FAM184A: variants seen among roughly 807,000 people sequenced by gnomAD.
The protein encoded by FAM184A is family with sequence similarity 184 member A.
FAM184A carries 99 observed loss-of-function variants against 143.8 expected under a neutral mutation model. That is an observed-to-expected ratio of 0.69 (90% confidence interval 0.58 to 0.81). The LOEUF (loss-of-function observed/expected upper bound fraction) is 0.81, where lower values mean the gene tolerates loss of function less well. Among genes scored for constraint, FAM184A ranks in the 40% least tolerant of loss-of-function variants. The probability of loss-of-function intolerance (pLI) is 0.00; values close to 1 mark genes in which losing one functional copy is unlikely to be tolerated. For synonymous variants in FAM184A, 427 were observed against 446.4 expected (o/e 0.96, Z 0.55); for missense variants, 1,217 against 1,310.5 (o/e 0.93, Z 1.10).
In FAM184A at chr6:119,002,968, C is replaced by G. The variant is rs374187029; in HGVS notation, c.2019G>C (p.Gln673His). The change falls in exon 9 of 18, where the codon CAG (glutamine) becomes CAC (histidine). Residue 673 changes from glutamine to histidine, a missense_variant. Transcript: ENST00000338891. ...DKKSAMSQLL[Q>H]LKDREKNAAR... ...CTGCATTTTTCTCTCGATCTTTCAA[C>G]TGCAAAAGTTGAGACATTGCTGACT... is the stretch of plus-strand genomic sequence containing the variant. The G allele has an allele frequency of 2.7e-5, 44 of 1,612,998 alleles. No individual in the cohort carries two copies. Among genetic ancestry groups the G allele is most frequent in the Non-Finnish European group, 3.6e-5 (42 of 1,179,608 alleles).
chr6:119,041,540 C>T (rs1786333309), intron 1 of FAM184A, among the ~76,000 whole-genome samples: 2 of 152,172 alleles, frequency 1.3e-5, no homozygotes, highest in East Asian at 1.9e-4. Context: ...AGCTGGCAAC[C>T]GCTACCCTCT....
intron 1 of FAM184A, among the ~76,000 whole-genome samples, chr6:119,044,535 A>G (rs1272696519): frequency 6.6e-6 from 1 of 151,912 alleles, no homozygotes; most frequent in African/African-American, 2.4e-5. Flanking sequence ...GTAAGCTATG[A>G]TCTTGTCACT....
chr6:118,996,592 C>T (rs1194254056), intron 9 of FAM184A, among the ~76,000 whole-genome samples: 1 of 152,154 alleles, frequency 6.6e-6, no homozygotes, highest in Non-Finnish European at 1.5e-5. Context: ...TCTGAATGTA[C>T]ATTCAACATA....
intron 7 of FAM184A, among the ~76,000 whole-genome samples, chr6:119,004,736 G>A (rs958875679): frequency 6.6e-6 from 1 of 152,162 alleles, no homozygotes; most frequent in African/African-American, 2.4e-5. Context: ...AAATTCTCCA[G>A]CAGAACAGAA....
intron 1 of FAM184A, among the ~76,000 whole-genome samples, chr6:119,104,731 A>T (rs938359790): frequency 1.1e-4 from 16 of 152,180 alleles, no homozygotes; most frequent in African/African-American, 3.9e-4. Flanking sequence ...TTAAGTGTGG[A>T]CTGCAAATAG....
intron 1 of FAM184A, among the ~76,000 whole-genome samples, chr6:119,090,179 C>T (rs1055224542): frequency 5.9e-5 from 9 of 152,170 alleles, no homozygotes; most frequent in Non-Finnish European, 1.3e-4. Context: ...TAAGGAAAAG[C>T]CATTGAAGGA....
intron 1 of FAM184A, among the ~76,000 whole-genome samples, chr6:119,094,562 T>C (rs1788456191): frequency 6.6e-6 from 1 of 152,196 alleles, no homozygotes; most frequent in African/African-American, 2.4e-5. Context: ...TTTGTTTTCA[T>C]CTGACTGGTG....
intron 1 of FAM184A, among the ~76,000 whole-genome samples, chr6:119,096,693 G>T (rs1363584604): frequency 6.6e-6 from 1 of 151,728 alleles, no homozygotes; most frequent in Non-Finnish European, 1.5e-5. Context: ...TTAATGCTAA[G>T]GACTGTTATT....
rs1021901194 is a variant in FAM184A at position 118,988,064 on chromosome 6, G to C, written c.2089-7714C>G. Reference sequence around the variant, plus strand: ...ACATGCCCTTGTGTACAAATTGTAAGTGCCGCTCACTTACATTGCTGATAG... The same window carrying C: ...ACATGCCCTTGTGTACAAATTGTAACTGCCGCTCACTTACATTGCTGATAG... On this transcript the variant is annotated intron_variant, in intron 9 of 17. Coordinates refer to ENST00000338891, the MANE Select transcript of FAM184A (RefSeq NM_024581.6). Among the ~76,000 whole-genome samples the C allele has an allele frequency of 4.6e-5, 7 of 152,168 alleles. No individual in the cohort carries two copies. In the South Asian group the frequency reaches 6.2e-4, roughly 13 times the overall value.
At chr6:119,064,394 GA>G (rs1233778877) in intron 1 of FAM184A, among the ~76,000 whole-genome samples, 5 of 152,294 alleles carry the variant, frequency 3.3e-5, no homozygotes, top group African/African-American at 9.6e-5. Context: ...AGGACTTTCA[GA>G]AAACTGCAAA....
intron 1 of FAM184A, among the ~76,000 whole-genome samples, chr6:119,061,539 T>C (rs1334169797): frequency 7.7e-6 from 1 of 129,620 alleles, no homozygotes; most frequent in Non-Finnish European, 1.6e-5. Context: ...TTCTTTTTTT[T>C]TTTTTTTTTT....
upstream of FAM184A, chr6:119,078,737 C>A (rs1375829682): frequency 6.5e-6 from 1 of 153,538 alleles, no homozygotes; most frequent in African/African-American, 2.4e-5. This position sits in a 1 kb window ranked among gnomAD's most constrained non-coding sequence, Gnocchi z 5.5. Flanking sequence ...CGGGAGCCGC[C>A]GTTACCAGGG....
rs77516478 is a variant in FAM184A at position 119,023,563 on chromosome 6, C to G, written c.1014+396G>C. Among the ~76,000 whole-genome samples, 45 of 109,754 alleles carry G rather than the reference C, an allele frequency of 4.1e-4. 1 individual carries two copies. Among genetic ancestry groups the G allele is most frequent in the South Asian group, 3.7e-3 (9 of 2,420 alleles). 72.0% of individuals were successfully genotyped at this position (109,754 alleles called of 152,430 possible). ...AATTAGCAATATTGTCCGCCCCCCC[C>G]CCCAGGAACAGCGTATTACCTCGCT... is the stretch of plus-strand genomic sequence containing the variant. On this transcript the variant is annotated intron_variant, in intron 2 of 17. Transcript: ENST00000338891.
At chr6:119,039,838 G>C (rs80349495) in intron 1 of FAM184A, among the ~76,000 whole-genome samples, 3,360 of 152,306 alleles carry the variant, frequency 0.022, 56 homozygotes, top group Non-Finnish European at 0.034. Flanking sequence ...GCAGGCCCCA[G>C]GGAGATGCAA....
chr6:119,108,538 A>G (rs150836558), intron 1 of FAM184A, among the ~76,000 whole-genome samples: 1 of 152,240 alleles, frequency 6.6e-6, no homozygotes, highest in Non-Finnish European at 1.5e-5. Flanking sequence ...TCACTCTTAA[A>G]AACTTTTTCT....
At chr6:119,135,197 A>G (rs1003777052) in intron 1 of FAM184A, among the ~76,000 whole-genome samples, 1 of 152,256 alleles carries the variant, frequency 6.6e-6, no homozygotes, top group African/African-American at 2.4e-5. Context: ...CCTAGAAAAC[A>G]ATATTAAACA....
At chr6:119,023,917 AG>A (rs2114690256) in intron 2 of FAM184A, 41 bp downstream of exon 2, 2 of 1,500,172 alleles carry the variant, frequency 1.3e-6, no homozygotes, top group East Asian at 2.3e-5. Flanking sequence ...TATTTTTAAA[AG>A]AAAAAAAATC....
At chr6:119,083,650 G>T (rs534424706), upstream of FAM184A, among the ~76,000 whole-genome samples, 5 of 152,132 alleles carry the variant, frequency 3.3e-5, 1 homozygote, top group Admixed American at 1.3e-4. Flanking sequence ...TAGCAAGAGC[G>T]ACCTTTACTC....
At position 118,980,231 on chromosome 6, in the gene FAM184A, T is replaced by C; in HGVS notation, c.2208A>G (p.Leu736=). 1 of 1,614,212 alleles carries C rather than the reference T, an allele frequency of 6.2e-7. No homozygotes were observed. Among genetic ancestry groups the C allele is most frequent in the Non-Finnish European group, 8.5e-7 (1 of 1,180,020 alleles). ...TGTGTCTTTGCTGATGTTGCTCCTCTAATTCTTCAAGCTCTTGCGTAAGCC... is the reference window on the plus strand; with the variant it reads ...TGTGTCTTTGCTGATGTTGCTCCTCCAATTCTTCAAGCTCTTGCGTAAGCC... ...RQRLTQELEE[L]EEQHQQRHKS... The change falls in exon 10 of 18, where the codon TTA becomes TTG. Residue 736 remains leucine, a synonymous_variant. Coordinates refer to ENST00000338891, the MANE Select transcript of FAM184A (RefSeq NM_024581.6).
Sources: gnomAD v4.1 joint callset for allele counts (sites outside exome capture counted in the v4.1 genomes callset) on GRCh38, gnomAD v4.1.1 for gene constraint, Gnocchi (gnomAD v3.1) non-coding constraint, MANE v1.5 for transcripts, NCBI Gene and HGNC (gene_info 2026-07-23, HGNC 2026-07-21) for gene names.